STAR: variants seen among roughly 807,000 people sequenced by gnomAD.
STAR encodes steroidogenic acute regulatory protein.
Under a neutral mutation model 32.3 loss-of-function variants are expected in STAR, and 32 were observed. The observed-to-expected ratio is 0.99, with a 90% CI of 0.75 to 1.33. STAR has a LOEUF of 1.33. STAR is among the 40% of genes most tolerant of loss of function. The pLI is 0.00. For missense variants in STAR, 375 were observed against 379.0 expected, an observed-to-expected ratio of 0.99 and a Z score of 0.09; for synonymous variants, 134 against 140.5, an observed-to-expected ratio of 0.95 and a Z score of 0.33.
intron 1 of STAR, among the ~76,000 whole-genome samples, chr8:38,149,825 C>T (rs1802637293): frequency 2.6e-5 from 4 of 152,044 alleles, no homozygotes; most frequent in South Asian, 2.1e-4. Flanking sequence ...GGCAACAGAG[C>T]GAGACTGCCT....
chr8:38,145,638 T>A (rs1297684750), intron 5 of STAR: 1 of 548,390 alleles, frequency 1.8e-6, no homozygotes, highest in Non-Finnish European at 3.3e-6. Flanking sequence ...GTGTACTGAG[T>A]GGTATGGATT....
chr8:38,150,612 G>T, intron 1 of STAR, 143 bp downstream of exon 1: 1 of 1,317,212 alleles, frequency 7.6e-7, no homozygotes, highest in Non-Finnish European at 1.1e-6. Flanking sequence ...CTTCTTCCGA[G>T]GGGAAAACTG....
At chr8:38,144,500 G>A (rs72556519) in intron 6 of STAR, 114 bp from the exon 7 acceptor site, 2 of 1,523,794 alleles carry the variant, frequency 1.3e-6, no homozygotes, top group Admixed American at 2.0e-5. Context: ...CTGTTAATAG[G>A]TGCAGCCTTG....
chr8:38,142,909 T>C lies in STAR; in HGVS notation c.*1364A>G, dbSNP rs1225621383. 6.6e-6 allele frequency among the ~76,000 whole-genome samples: 1 copy of C among 152,146 alleles called. No individual in the cohort carries two copies. The highest frequency in any genetic ancestry group is 1.5e-5 in the Non-Finnish European group (1 of 68,002). On this transcript the variant is annotated 3_prime_UTR_variant, in exon 7 of 7. Coordinates refer to ENST00000276449, the MANE Select transcript of STAR (RefSeq NM_000349.3). Reference sequence around the variant, plus strand: ...CCCAGAATACTAAACTTTTAGCCTGTTTAAGCAGAGAAGTTGCCAGCCCCA... The same window carrying C: ...CCCAGAATACTAAACTTTTAGCCTGCTTAAGCAGAGAAGTTGCCAGCCCCA...
chr8:38,150,281 C>G (rs1337924278), intron 1 of STAR, among the ~76,000 whole-genome samples: 1 of 151,748 alleles, frequency 6.6e-6, no homozygotes, highest in African/African-American at 2.4e-5. Flanking sequence ...CGCCTGTAGT[C>G]CCAGGTACTC....
intron 6 of STAR, 164 bp downstream of exon 6, chr8:38,145,058 A>G: frequency 6.8e-7 from 1 of 1,472,698 alleles, no homozygotes; most frequent in Non-Finnish European, 9.0e-7. Context: ...GGCTTTGGAG[A>G]TGGTAGAGTA....
chr8:38,147,798 G>A (rs1310354069), intron 3 of STAR, among the ~76,000 whole-genome samples: 1 of 152,242 alleles, frequency 6.6e-6, no homozygotes, highest in Admixed American at 6.5e-5. Context: ...GTCCAGGCCT[G>A]TTGTAGGGTG....
In STAR at chr8:38,146,438, C is replaced by T. The variant is rs1802576108; in HGVS notation, c.316G>A (p.Asp106Asn). ...GGGACCACTTTACTCATCACTTTGT[C>T]CCCATTGTCCTGTCAGAGAAAGGAG... ...WKKESQQDNG[D>N]KVMSKVVPDV... The change falls in exon 4 of 7, where the codon GAC becomes AAC. Residue 106 changes from aspartate to asparagine, a missense_variant. Asp to Asn is a conservative substitution (Grantham distance 23, BLOSUM62 1). Coordinates refer to ENST00000276449, the MANE Select transcript of STAR (RefSeq NM_000349.3). 1 of 1,613,842 alleles carries T rather than the reference C, an allele frequency of 6.2e-7. No homozygotes were observed. Among genetic ancestry groups the T allele is most frequent in the African/African-American group, 1.3e-5 (1 of 74,910 alleles).
At chr8:38,149,086 G>T (rs1802626524) in intron 1 of STAR, 2 of 365,448 alleles carry the variant, frequency 5.5e-6, no homozygotes, top group Admixed American at 7.8e-5. Flanking sequence ...TTCATAAGGA[G>T]AATACAACTC....
rs976828855 is a variant in STAR, at chr8:38,150,856, C to T, written c.-38G>A. The T allele has an allele frequency of 2.5e-6, 4 of 1,600,580 alleles. No individual in the cohort carries two copies. Among genetic ancestry groups the T allele is most frequent in the Non-Finnish European group, 2.5e-6 (3 of 1,179,798 alleles). ...AATGTGGCAGTGGTGGGGTCGCTGC[C>T]GCTGCTGCTGCCGCCGCTGCTGCTG... is the stretch of plus-strand genomic sequence containing the variant. On this transcript the variant is annotated 5_prime_UTR_variant, in exon 1 of 7. Transcript: ENST00000276449.
chr8:38,149,982 G>A lies in STAR; in HGVS notation c.64+773C>T, dbSNP rs562490777. 1.1e-4 allele frequency among the ~76,000 whole-genome samples: 17 copies of A among 152,220 alleles called. No homozygotes were observed. In the East Asian group the frequency reaches 1.2e-3, roughly 10 times the overall value. ...CTAAAAATACAAAAACTAGCCAGGC[G>A]TGGTGGCATGCACCTGTAATCCCAG... On this transcript the variant is annotated intron_variant, in intron 1 of 6. Transcript: ENST00000276449.
At chr8:38,149,424 T>C (rs967090694) in intron 1 of STAR, among the ~76,000 whole-genome samples, 25 of 152,328 alleles carry the variant, frequency 1.6e-4, no homozygotes, top group African/African-American at 5.3e-4. Context: ...TCAAATGACC[T>C]TGGATGCGAA....
At position 38,148,694 on chromosome 8, in the gene STAR, C is replaced by T. The variant is rs750054831; in HGVS notation, c.125G>A (p.Gly42Asp). 2 of 1,613,722 alleles carry T rather than the reference C, an allele frequency of 1.2e-6. No individual in the cohort carries two copies. The highest frequency in any genetic ancestry group is 2.7e-5 in the African/African-American group (2 of 74,936). Reference protein sequence around the residue: ...SQELNRRALGGPTPSTWINQV... With the variant: ...SQELNRRALGDPTPSTWINQV... ...GTTAATCCACGTGCTAGGGGTGGGG[C>T]CCCCCAGGGCCCTCCGGTTCAGCTC... is the stretch of plus-strand genomic sequence containing the variant. Residue 42 changes from glycine (G) to aspartate (D), a missense_variant, in exon 2 of 7, where the codon GGC (glycine) becomes GAC (aspartate). Physicochemically the swap from Gly to Asp is moderately conservative, Grantham distance 94 (BLOSUM62 -1). Transcript: ENST00000276449.
Position 38,144,223 on chromosome 8 carries a change from A to G in STAR, c.*50T>C, listed in dbSNP as rs1260357840. ...GCTTCCAGTAGGGATTCTCCTGATG[A>G]GCGTGTGTACCAGTGCAGCTGGGCA... On this transcript the variant is annotated 3_prime_UTR_variant, in exon 7 of 7. Transcript: ENST00000276449. The G allele has an allele frequency of 6.5e-7, 1 of 1,537,308 alleles. No homozygotes were observed. The highest frequency in any genetic ancestry group is 8.8e-7 in the Non-Finnish European group (1 of 1,130,422).
intron 6 of STAR, chr8:38,144,974 A>T: frequency 7.7e-7 from 1 of 1,305,354 alleles, no homozygotes; most frequent in Non-Finnish European, 9.8e-7. Context: ...ATGTCATTGT[A>T]CTCCAGCCTG....
chr8:38,149,752 T>C (rs1802636007), intron 1 of STAR, among the ~76,000 whole-genome samples: 2 of 152,022 alleles, frequency 1.3e-5, no homozygotes, highest in South Asian at 4.1e-4. Context: ...GGCAGGAGAA[T>C]TGCTTGAACC....
chr8:38,150,244 A>C (rs1051139208), intron 1 of STAR, among the ~76,000 whole-genome samples: 7 of 152,086 alleles, frequency 4.6e-5, no homozygotes, highest in African/African-American at 1.7e-4. Context: ...AAATAAATAA[A>C]TAAAACTAGC....
At chr8:38,144,604 G>C (rs1051356197) in intron 6 of STAR, 9 of 1,392,902 alleles carry the variant, frequency 6.5e-6, no homozygotes, top group Non-Finnish European at 8.4e-6. Flanking sequence ...TTTCAGCCTG[G>C]TGTTCCCAGC....
chr8:38,150,616 A>G, intron 1 of STAR, 139 bp downstream of exon 1: 1 of 1,360,524 alleles, frequency 7.4e-7, no homozygotes, highest in Non-Finnish European at 1.0e-6. Flanking sequence ...TTCCGAGGGG[A>G]AAACTGAGAT....
Sources: allele counts gnomAD v4.1 joint callset (sites outside exome capture counted in the v4.1 genomes callset), GRCh38; gene constraint gnomAD v4.1.1; transcripts MANE v1.5; gene names NCBI Gene and HGNC (gene_info 2026-07-23, HGNC 2026-07-21).